Variants in DLX6 observed in about 807,000 individuals in gnomAD.
The protein encoded by DLX6 is distal-less homeobox 6.
In DLX6, 4 loss-of-function variants were observed where a neutral mutation model predicts 33.5. The observed-to-expected ratio is 0.12, with a 90% CI of 0.06 to 0.27. The LOEUF (loss-of-function observed/expected upper bound fraction) is 0.27, where lower values mean the gene tolerates loss of function less well. Ranked by LOEUF, DLX6 falls within the 10% of genes least tolerant of loss-of-function variation. The probability of loss-of-function intolerance (pLI) is 1.00; values close to 1 mark genes in which losing one functional copy is unlikely to be tolerated. For synonymous variants in DLX6, 184 were observed against 164.8 expected (o/e 1.12, Z -0.89); for missense variants, 382 against 393.3 (o/e 0.97, Z 0.24).
In DLX6 at chr7:97,010,791, CA is replaced by C. The variant is rs1789830082; in HGVS notation, c.*749del. ...GATGGTTGATTAAAAAAAAACAAAA[CA>C]AAAACCACTCTTTCCCCACCCCACC... On this transcript the variant is annotated 3_prime_UTR_variant, in exon 3 of 3. Coordinates refer to ENST00000518156, the MANE Select transcript of DLX6 (RefSeq NM_005222.4). 6.6e-6 allele frequency: 1 copy of C among 151,398 alleles called. No homozygotes were observed. Among genetic ancestry groups the C allele is most frequent in the African/African-American group, 2.4e-5 (1 of 41,112 alleles). 9.4% of individuals were successfully genotyped at this position (151,398 alleles called of 1,614,324 possible).
Position 97,005,946 on chromosome 7 carries a change from G to C in DLX6, c.-32G>C. 2.0e-6 allele frequency: 3 copies of C among 1,522,366 alleles called. No homozygotes were observed. The highest frequency in any genetic ancestry group is 2.7e-6 in the Non-Finnish European group (3 of 1,130,848). 94.3% of individuals were successfully genotyped at this position (1,522,366 alleles called of 1,614,324 possible). A position where few individuals can be genotyped will look rare whatever the true frequency, so the allele number is the denominator to read the frequency against. ...GTGGGGGAGGGTGGAGGAAACCCGG[G>C]AGAAGGCTTTCTCCAGCCCCCAAAG... is the stretch of plus-strand genomic sequence containing the variant. On this transcript the variant is annotated 5_prime_UTR_variant, in exon 1 of 3. Transcript: ENST00000518156.
chr7:97,008,059 C>T (rs1007695452), intron 2 of DLX6, among the ~76,000 whole-genome samples: 4 of 152,180 alleles, frequency 2.6e-5, no homozygotes, highest in Non-Finnish European at 4.4e-5. Flanking sequence ...CCCTCGGCGA[C>T]CCCACCCCAG....
In DLX6 at chr7:97,010,281, C is replaced by CT. The variant is rs1789819972; in HGVS notation, c.*239dup. On this transcript the variant is annotated 3_prime_UTR_variant, in exon 3 of 3. Transcript: ENST00000518156. ...TCCTTTTCCTTTCTACCTTTCTTTT[C>CT]TTTTTGCCTTTCACCTTTTTTCTCA... 2.0e-6 allele frequency: 1 copy of CT among 502,584 alleles called. No homozygotes were observed. Among genetic ancestry groups the CT allele is most frequent in the Admixed American group, 3.6e-5 (1 of 27,640 alleles). The allele number at this position is 502,584 out of a possible 1,614,324, so 31.1% of individuals were successfully genotyped here. A position where few individuals can be genotyped will look rare whatever the true frequency, so the allele number is the denominator to read the frequency against.
At chr7:97,008,022 C>G (rs1476660583) in intron 2 of DLX6, among the ~76,000 whole-genome samples, 191 bp downstream of exon 2, 1 of 152,218 alleles carries the variant, frequency 6.6e-6, no homozygotes, top group Non-Finnish European at 1.5e-5. Flanking sequence ...GTATTGAATA[C>G]TGGATTGGAT....
intron 1 of DLX6, 96 bp from the exon 2 acceptor site, chr7:97,007,542 G>C (rs1351616277): frequency 1.7e-6 from 2 of 1,180,844 alleles, no homozygotes; most frequent in East Asian, 5.1e-5. Context: ...AACCCTTATT[G>C]GGCTTTGGGG....
chr7:97,005,891 G>T lies in DLX6; in HGVS notation c.-87G>T. ...TTGCAAGGATCCAAAGAGCTAAGGT[G>T]GCTGCAGAGGGGAGAGCGGCGCGAG... is the stretch of plus-strand genomic sequence containing the variant. On this transcript the variant is annotated 5_prime_UTR_variant, in exon 1 of 3. Coordinates refer to ENST00000518156, the MANE Select transcript of DLX6 (RefSeq NM_005222.4). 6.5e-6 allele frequency: 5 copies of T among 763,754 alleles called. No individual in the cohort carries two copies. Among genetic ancestry groups the T allele is most frequent in the Non-Finnish European group, 9.7e-6 (5 of 513,212 alleles). 47.3% of individuals were successfully genotyped at this position (763,754 alleles called of 1,614,324 possible). A position where few individuals can be genotyped will look rare whatever the true frequency, so the allele number is the denominator to read the frequency against.
At chr7:97,009,668 G>A in intron 2 of DLX6, 128 bp from the exon 3 acceptor site, 1 of 1,372,812 alleles carries the variant, frequency 7.3e-7, no homozygotes, top group Non-Finnish European at 9.9e-7. Context: ...TTGGCTTGTA[G>A]GCGTTGGCGG....
intron 1 of DLX6, 45 bp from the exon 2 acceptor site, chr7:97,007,593 C>T: frequency 6.5e-7 from 1 of 1,545,504 alleles, no homozygotes; most frequent in Non-Finnish European, 8.8e-7. Flanking sequence ...GAGATGGCAG[C>T]AGTAGCCTCC....
Position 97,007,752 on chromosome 7 carries a change from A to G in DLX6, c.551A>G (p.His184Arg). The G allele has an allele frequency of 6.2e-7, 1 of 1,612,468 alleles. No homozygotes were observed. The highest frequency in any genetic ancestry group is 8.5e-7 in the Non-Finnish European group (1 of 1,179,278). ...YSSLQLQALN[H>R]RFQQTQYLAL... The stretch of plus-strand genomic sequence containing the variant: ...AGCCTGCAGCTCCAGGCTTTAAACC[A>G]TCGCTTTCAGCAGACACAGTATCTG... Residue 184 changes from histidine (H) to arginine (R), a missense_variant, in exon 2 of 3, where the codon CAT becomes CGT. Transcript: ENST00000518156.
chr7:97,009,651 C>A (rs769381608), intron 2 of DLX6, 145 bp from the exon 3 acceptor site: 2 of 1,159,932 alleles, frequency 1.7e-6, no homozygotes, highest in African/African-American at 1.5e-5. Context: ...TGGAAGGAGG[C>A]GGGGACTTGG....
At chr7:97,007,049 G>A (rs1789753344) in intron 1 of DLX6, 1 of 164,746 alleles carries the variant, frequency 6.1e-6, no homozygotes, top group East Asian at 1.8e-4. Context: ...AAGAACCTCG[G>A]GCTGATGGTT....
chr7:97,005,843 CTTTTTT>C lies in DLX6; in HGVS notation c.-116_-111del, dbSNP rs753838572. ...CCACCTCCACCCCCCTCTTTAAATT[CTTTTTT>C]TTTTTTTTTTTTTTTTTTGCAAGGA... On this transcript the variant is annotated 5_prime_UTR_variant, in exon 1 of 3. Coordinates refer to ENST00000518156, the MANE Select transcript of DLX6 (RefSeq NM_005222.4). 892 of 226,092 alleles carry C rather than the reference CTTTTTT, an allele frequency of 3.9e-3. No homozygotes were observed. Among genetic ancestry groups the C allele is most frequent in the African/African-American group, 7.2e-3 (140 of 19,470 alleles). 14.0% of individuals were successfully genotyped at this position (226,092 alleles called of 1,614,324 possible).
rs1789692713 is a variant in DLX6, at chr7:97,005,733, C to T, written c.-245C>T. Reference sequence around the variant, plus strand: ...CTCCCATCCCTCCTCCTTCCTCCTCCCTTTGAGTTAACAAGGCCCCGCTCA... The same window carrying T: ...CTCCCATCCCTCCTCCTTCCTCCTCTCTTTGAGTTAACAAGGCCCCGCTCA... On this transcript the variant is annotated 5_prime_UTR_variant, in exon 1 of 3. Transcript: ENST00000518156. The T allele has an allele frequency of 4.4e-6, 1 of 228,206 alleles. No homozygotes were observed. The highest frequency in any genetic ancestry group is 2.3e-5 in the African/African-American group (1 of 43,792). The allele number at this position is 228,206 out of a possible 1,614,324, so 14.1% of individuals were successfully genotyped here. A position where few individuals can be genotyped will look rare whatever the true frequency, so the allele number is the denominator to read the frequency against.
In DLX6 at chr7:97,005,849, T is replaced by C; in HGVS notation, c.-129T>C. The C allele has an allele frequency of 3.2e-6, 1 of 313,040 alleles. No homozygotes were observed. Among genetic ancestry groups the C allele is most frequent in the Non-Finnish European group, 4.8e-6 (1 of 209,396 alleles). 19.4% of individuals were successfully genotyped at this position (313,040 alleles called of 1,614,324 possible). A position where few individuals can be genotyped will look rare whatever the true frequency, so the allele number is the denominator to read the frequency against. On this transcript the variant is annotated 5_prime_UTR_variant, in exon 1 of 3. Coordinates refer to ENST00000518156, the MANE Select transcript of DLX6 (RefSeq NM_005222.4). ...CCACCCCCCTCTTTAAATTCTTTTT[T>C]TTTTTTTTTTTTTTTTTTGCAAGGA...
rs774095919 is a variant in DLX6, at chr7:97,006,238, C to CCACCACCACCACCAG, written c.274_288dup (p.Gln92_His96dup). 20 of 1,518,280 alleles carry CCACCACCACCACCAG rather than the reference C, an allele frequency of 1.3e-5. No individual in the cohort carries two copies. In the Middle Eastern group the frequency reaches 5.1e-4, roughly 39 times the overall value. 94.1% of individuals were successfully genotyped at this position (1,518,280 alleles called of 1,614,324 possible). A position where few individuals can be genotyped will look rare whatever the true frequency, so the allele number is the denominator to read the frequency against. ...CGGCGGCAGCGGCCGGCTCGCACCA[C>CCACCACCACCACCAG]CACCACCACCACCAGCACCACCACC... On this transcript the variant is annotated inframe_insertion, in exon 1 of 3. Transcript: ENST00000518156.
At position 97,006,161 on chromosome 7, in the gene DLX6, C is replaced by A; in HGVS notation, c.184C>A (p.Pro62Thr). 1 of 1,543,250 alleles carries A rather than the reference C, an allele frequency of 6.5e-7. No individual in the cohort carries two copies. The highest frequency in any genetic ancestry group is 1.2e-5 in the South Asian group (1 of 83,792). Residue 62 changes from proline (P) to threonine (T), a missense_variant, in exon 1 of 3, where the codon CCG becomes ACG. Transcript: ENST00000518156. ...PPQPHSQQSS[P>T]AMAGAHYPLH... ...GCAGCCGCACTCGCAGCAGAGCTCC[C>A]CGGCCATGGCAGGCGCGCACTACCC...
Position 97,010,133 on chromosome 7 carries a change from G to C in DLX6, c.*86G>C, listed in dbSNP as rs573892022. 1.3e-6 allele frequency: 2 copies of C among 1,498,756 alleles called. No individual in the cohort carries two copies. The highest frequency in any genetic ancestry group is 2.8e-5 in the African/African-American group (2 of 71,902). 92.8% of individuals were successfully genotyped at this position (1,498,756 alleles called of 1,614,324 possible). A position where few individuals can be genotyped will look rare whatever the true frequency, so the allele number is the denominator to read the frequency against. ...CTTGTATCTGCGAAAAGGAGCCAAA[G>C]GAGCAGGCTTAGGAGAGCTCATAAG... On this transcript the variant is annotated 3_prime_UTR_variant, in exon 3 of 3. Transcript: ENST00000518156.
intron 1 of DLX6, 142 bp downstream of exon 1, chr7:97,006,555 G>A: frequency 1.2e-6 from 1 of 829,028 alleles, no homozygotes; most frequent in Non-Finnish European, 1.6e-6. Flanking sequence ...GGCCCCGTGC[G>A]CGCCCGCTCG....
Position 97,005,965 on chromosome 7 carries a change from C to A in DLX6, c.-13C>A. On this transcript the variant is annotated 5_prime_UTR_variant, in exon 1 of 3. Coordinates refer to ENST00000518156, the MANE Select transcript of DLX6 (RefSeq NM_005222.4). ...ACCCGGGAGAAGGCTTTCTCCAGCC[C>A]CCAAAGTTTTTGATGATGACCATGA... The A allele has an allele frequency of 6.4e-7, 1 of 1,568,412 alleles. No homozygotes were observed. The highest frequency in any genetic ancestry group is 8.7e-7 in the Non-Finnish European group (1 of 1,155,824).
Sources: gnomAD v4.1 joint callset for allele counts (sites outside exome capture counted in the v4.1 genomes callset) on GRCh38, gnomAD v4.1.1 for gene constraint, MANE v1.5 for transcripts, NCBI Gene and HGNC (gene_info 2026-07-23, HGNC 2026-07-21) for gene names.